The following SH3GLB2 variants were observed in gnomAD, a reference collection of about 807,000 sequenced individuals.
SH3GLB2 encodes the protein endophilin-B2.
SH3GLB2 carries 24 observed loss-of-function variants against 48.0 expected under a neutral mutation model. The ratio of observed to expected loss-of-function variants is 0.50; its 90% confidence interval spans 0.36 to 0.70. The LOEUF is 0.70. Among genes scored for constraint, SH3GLB2 ranks in the 30% least tolerant of loss-of-function variants. SH3GLB2 has a pLI of 0.00. For missense variants in SH3GLB2, 425 were observed against 516.0 expected (o/e 0.82, Z 1.71); for synonymous variants, 227 against 207.6 (o/e 1.09, Z -0.80).
At chr9:129,020,731 G>A (rs545302952) in intron 3 of SH3GLB2, among the ~76,000 whole-genome samples, 2 of 151,936 alleles carry the variant, frequency 1.3e-5, no homozygotes, top group East Asian at 1.9e-4. Flanking sequence ...TTAGCCAGGC[G>A]TGGTCACGGG....
rs1403764566 is a variant in SH3GLB2, at chr9:129,009,180, C to A, written c.1006G>T (p.Gly336Trp). Residue 336 changes from glycine (G) to tryptophan (W), a missense_variant, in exon 10 of 11, where the codon GGG (glycine) becomes TGG (tryptophan). By Grantham distance (184) the Gly-to-Trp change is radical (BLOSUM62 -2). Transcript: ENST00000372564. ...CLEEVAPPAS[G>W]TRKARVLYDY... ...TAGAGCACCCGAGCTTTGCGGGTCCCACTGGCAGGGGGGGCCACCTCTTCC... is the reference window on the plus strand; with the variant it reads ...TAGAGCACCCGAGCTTTGCGGGTCCAACTGGCAGGGGGGGCCACCTCTTCC... The A allele has an allele frequency of 6.2e-7, 1 of 1,611,890 alleles. No homozygotes were observed. The highest frequency in any genetic ancestry group is 8.5e-7 in the Non-Finnish European group (1 of 1,179,534).
Position 129,014,198 on chromosome 9 carries a change from G to A in SH3GLB2, c.561+213C>T, listed in dbSNP as rs146215524. 3.0e-3 allele frequency among the ~76,000 whole-genome samples: 457 copies of A among 152,130 alleles called. 2 individuals carry two copies. The highest frequency in any genetic ancestry group is 5.8e-3 in the South Asian group (28 of 4,818). ...GGGGCACTGCTGGTCCGCCCACACC[G>A]TAGATATCTCCCTGGGAACCAGAGC... On this transcript the variant is annotated intron_variant, in intron 5 of 10. Transcript: ENST00000372564. The surrounding 1 kb of genome is among the most constrained non-coding windows in gnomAD (Gnocchi z 4.1).
At chr9:129,013,150 AC>A in intron 5 of SH3GLB2, 1 of 954,578 alleles carries the variant, frequency 1.0e-6, no homozygotes, top group Non-Finnish European at 1.6e-6. Flanking sequence ...GGAGGGAGGC[AC>A]CACAGCCTGC....
At chr9:129,020,833 G>A (rs1356903251) in intron 3 of SH3GLB2, among the ~76,000 whole-genome samples, 1 of 151,942 alleles carries the variant, frequency 6.6e-6, no homozygotes, top group South Asian at 2.1e-4. Context: ...TCACGCCACT[G>A]CACTCTAGCC....
At chr9:129,010,440 G>A in intron 7 of SH3GLB2, 1 of 642,694 alleles carries the variant, frequency 1.6e-6, no homozygotes, top group East Asian at 2.7e-5. Context: ...TCACCCATCG[G>A]AGAAATCCAC....
chr9:129,014,580 G>A lies in SH3GLB2; in HGVS notation c.469-77C>T. The A allele has an allele frequency of 1.3e-6, 2 of 1,499,056 alleles. No individual in the cohort carries two copies. The highest frequency in any genetic ancestry group is 1.8e-6 in the Non-Finnish European group (2 of 1,098,854). The allele number at this position is 1,499,056 out of a possible 1,614,324, so 92.9% of individuals were successfully genotyped here. A position where few individuals can be genotyped will look rare whatever the true frequency, so the allele number is the denominator to read the frequency against. On this transcript the variant is annotated intron_variant, in intron 4 of 10. Transcript: ENST00000372564. The surrounding 1 kb of genome is among the most constrained non-coding windows in gnomAD (Gnocchi z 4.1). ...CTGAGCCATGCATGGCAAGATTGGT[G>A]CCGGGGACGATCAAGTCAAGATAGG...
Position 129,011,933 on chromosome 9 carries a change from T to A in SH3GLB2, c.624+303A>T. 3.0e-6 allele frequency: 1 copy of A among 335,922 alleles called. No individual in the cohort carries two copies. Among genetic ancestry groups the A allele is most frequent in the Admixed American group, 4.9e-5 (1 of 20,552 alleles). The allele number at this position is 335,922 out of a possible 1,614,324, so 20.8% of individuals were successfully genotyped here. A position where few individuals can be genotyped will look rare whatever the true frequency, so the allele number is the denominator to read the frequency against. ...GAGACAGCAGGAGGTGGAGGGGCCC[T>A]GGGGATGGGACAGCTGCCGCCCTGA... On this transcript the variant is annotated intron_variant, in intron 6 of 10. Coordinates refer to ENST00000372564, the MANE Select transcript of SH3GLB2 (RefSeq NM_020145.4). The surrounding 1 kb of genome is among the most constrained non-coding windows in gnomAD (Gnocchi z 4.5).
At chr9:129,018,617 A>G (rs529461727) in intron 3 of SH3GLB2, among the ~76,000 whole-genome samples, 7 of 133,818 alleles carry the variant, frequency 5.2e-5, no homozygotes, top group South Asian at 2.4e-4. Flanking sequence ...ACCTGAGGCC[A>G]GGCACAGTGG....
chr9:129,015,221 G>A (rs934309951), intron 3 of SH3GLB2, among the ~76,000 whole-genome samples: 1 of 152,198 alleles, frequency 6.6e-6, no homozygotes, highest in East Asian at 1.9e-4. Context: ...ACCACGCCAG[G>A]TGCGGTGGCT....
At position 129,014,770 on chromosome 9, in the gene SH3GLB2, C is replaced by G. The variant is rs1843328578; in HGVS notation, c.468+1G>C. Reference sequence around the variant, plus strand: ...AAGCGGAATAGTCCCAGGGCCCTCACCGAGATGGTCTTCCAGTCCCCCTCC... The same window carrying G: ...AAGCGGAATAGTCCCAGGGCCCTCAGCGAGATGGTCTTCCAGTCCCCCTCC... On this transcript the variant is annotated splice_donor_variant, in intron 4 of 10. Transcript: ENST00000372564. LOFTEE classifies it high-confidence loss of function. This position sits in a 1 kb window ranked among gnomAD's most constrained non-coding sequence, Gnocchi z 4.1. The G allele has an allele frequency of 6.2e-7, 1 of 1,612,412 alleles. No individual in the cohort carries two copies. The highest frequency in any genetic ancestry group is 1.3e-5 in the African/African-American group (1 of 74,862).
intron 1 of SH3GLB2, among the ~76,000 whole-genome samples, chr9:129,027,496 G>A (rs1844227852): frequency 6.6e-6 from 1 of 152,164 alleles, no homozygotes; most frequent in African/African-American, 2.4e-5. Flanking sequence ...TCGTGGGCCT[G>A]GACAGCTTCC....
chr9:129,027,991 G>A (rs1844262960), intron 1 of SH3GLB2, 101 bp downstream of exon 1: 4 of 1,146,326 alleles, frequency 3.5e-6, no homozygotes, highest in African/African-American at 3.3e-5. Flanking sequence ...GAGGGCAGCA[G>A]CCCGGGAGGG....
chr9:129,015,055 A>G, intron 3 of SH3GLB2, 151 bp from the exon 4 acceptor site: 5 of 916,454 alleles, frequency 5.5e-6, no homozygotes, highest in Non-Finnish European at 8.1e-6. Flanking sequence ...AGCAACCTAC[A>G]CTACACCATC....
rs536259101 is a variant in SH3GLB2, at chr9:129,008,169, G to A, written c.*515C>T. 87 of 162,114 alleles carry A rather than the reference G, an allele frequency of 5.4e-4. No individual in the cohort carries two copies. In the Middle Eastern group the frequency reaches 9.5e-3, roughly 18 times the overall value. 10.0% of individuals were successfully genotyped at this position (162,114 alleles called of 1,614,324 possible). On this transcript the variant is annotated 3_prime_UTR_variant, in exon 11 of 11. Transcript: ENST00000372564. Reference sequence around the variant, plus strand: ...GCTTGAGCTGTGAGGGGTGGGAGGGGAGGATAGCACCGGAAGATGCTGCTC... The same window carrying A: ...GCTTGAGCTGTGAGGGGTGGGAGGGAAGGATAGCACCGGAAGATGCTGCTC...
At chr9:129,022,472 G>A (rs1451894900) in intron 1 of SH3GLB2, 49 bp from the exon 2 acceptor site, 1 of 1,475,562 alleles carries the variant, frequency 6.8e-7, no homozygotes, top group East Asian at 2.3e-5. Context: ...AGCTCAGAAG[G>A]AGGTGGGGGA....
chr9:129,020,885 C>T (rs1250981977), intron 3 of SH3GLB2, among the ~76,000 whole-genome samples: 2 of 106,612 alleles, frequency 1.9e-5, no homozygotes, highest in Non-Finnish European at 3.9e-5. Context: ...AAAACAAAAA[C>T]AAAACACACA....
rs377137977 is a variant in SH3GLB2, at chr9:129,022,274, G to T, written c.205+8C>A. 1.5e-5 allele frequency: 24 copies of T among 1,612,828 alleles called. No homozygotes were observed. Among genetic ancestry groups the T allele is most frequent in the Non-Finnish European group, 1.9e-5 (23 of 1,179,810 alleles). ...CATCCCTCCCCGGGCCCACGAACAC[G>T]CACTCACTGGGGTTGGGCTGCAGCA... On this transcript the variant is annotated splice_region_variant and intron_variant, in intron 2 of 10. Transcript: ENST00000372564.
chr9:129,008,362 C>T lies in SH3GLB2; in HGVS notation c.*322G>A, dbSNP rs560592495. The T allele has an allele frequency of 3.1e-5, 10 of 317,710 alleles. No individual in the cohort carries two copies. The highest frequency in any genetic ancestry group is 1.7e-4 in the African/African-American group (8 of 46,314). The allele number at this position is 317,710 out of a possible 1,614,324, so 19.7% of individuals were successfully genotyped here. ...ACCTGGGGCTTCCTGAGCCCATCTGCGGCGGCCCCACCCTGGCCTAGGTGC... is the reference window on the plus strand; with the variant it reads ...ACCTGGGGCTTCCTGAGCCCATCTGTGGCGGCCCCACCCTGGCCTAGGTGC... On this transcript the variant is annotated 3_prime_UTR_variant, in exon 11 of 11. Coordinates refer to ENST00000372564, the MANE Select transcript of SH3GLB2 (RefSeq NM_020145.4).
intron 3 of SH3GLB2, among the ~76,000 whole-genome samples, chr9:129,017,722 T>C (rs1301989915): frequency 2.0e-5 from 3 of 149,618 alleles, no homozygotes; most frequent in African/African-American, 7.4e-5. Context: ...CACGGTGAAA[T>C]CCCGTCTCCA....
Sources: gnomAD v4.1 joint callset for allele counts (sites outside exome capture counted in the v4.1 genomes callset) on GRCh38, gnomAD v4.1.1 for gene constraint, Gnocchi (gnomAD v3.1) non-coding constraint, MANE v1.5 for transcripts, NCBI Gene and HGNC (gene_info 2026-07-23, HGNC 2026-07-21) for gene names.